MBOAT2: variants seen among roughly 807,000 people sequenced by gnomAD.
MBOAT2 encodes the protein membrane bound glycerophospholipid O-acyltransferase 2, also known as membrane-bound glycerophospholipid O-acyltransferase 2.
MBOAT2 carries 28 observed loss-of-function variants against 63.4 expected under a neutral mutation model. The ratio of observed to expected loss-of-function variants is 0.44; its 90% CI spans 0.33 to 0.61. MBOAT2 has a LOEUF of 0.61. Among genes scored for constraint, MBOAT2 ranks in the 20% least tolerant of loss-of-function variants. The probability of loss-of-function intolerance (pLI) is 0.03; values close to 1 mark genes in which losing one functional copy is unlikely to be tolerated. For synonymous variants in MBOAT2, 211 were observed against 215.6 expected (o/e 0.98, Z 0.19); for missense variants, 470 against 605.8 (o/e 0.78, Z 2.35).
chr2:9,002,525 A>C (rs1247400168), intron 1 of MBOAT2, among the ~76,000 whole-genome samples: 2 of 152,314 alleles, frequency 1.3e-5, no homozygotes, highest in East Asian at 3.9e-4. Flanking sequence ...CTTCCAGGTT[A>C]AGTACACTTG....
At chr2:8,880,104 A>G (rs1394285168) in intron 6 of MBOAT2, among the ~76,000 whole-genome samples, 1 of 152,004 alleles carries the variant, frequency 6.6e-6, no homozygotes, top group African/African-American at 2.4e-5. Context: ...GGAGTAATAT[A>G]ATCCAATGCA....
intron 3 of MBOAT2, among the ~76,000 whole-genome samples, chr2:8,930,068 A>C (rs866585441): frequency 3.3e-5 from 5 of 152,282 alleles, no homozygotes; most frequent in Middle Eastern, 3.4e-3. Flanking sequence ...TCCCAGTTCC[A>C]ATTCCTTGTA....
intron 3 of MBOAT2, among the ~76,000 whole-genome samples, chr2:8,912,339 G>GA (rs1158476798): frequency 4.0e-5 from 4 of 100,838 alleles, no homozygotes; most frequent in Non-Finnish European, 8.1e-5. Flanking sequence ...AAGAAAGAAA[G>GA]AAAGAAAGAA....
Position 8,966,669 on chromosome 2 carries a change from C to G in MBOAT2, c.76-8027G>C, listed in dbSNP as rs1329718978. On this transcript the variant is annotated intron_variant, in intron 1 of 12. Coordinates refer to ENST00000305997, the MANE Select transcript of MBOAT2 (RefSeq NM_138799.4). ...ACATCTTTATGAGATAAAACAAAGC[C>G]AAATACGACATCATTACACATCCAC... 2.0e-5 allele frequency among the ~76,000 whole-genome samples: 3 copies of G among 152,162 alleles called. No homozygotes were observed. The East Asian group carries it at 5.8e-4, about 29-fold the overall frequency.
chr2:8,874,665 T>C (rs1662576221), intron 7 of MBOAT2, among the ~76,000 whole-genome samples: 1 of 152,142 alleles, frequency 6.6e-6, no homozygotes, highest in Non-Finnish European at 1.5e-5. Context: ...GTCAAGTTTG[T>C]ATGCCCTAGG....
At chr2:8,863,528 C>T (rs376657150) in intron 10 of MBOAT2, among the ~76,000 whole-genome samples, 3 of 152,218 alleles carry the variant, frequency 2.0e-5, no homozygotes, top group East Asian at 1.9e-4. Flanking sequence ...GCCCTGTTCA[C>T]GAGACACGCT....
chr2:8,945,930 A>G (rs1171607293), intron 2 of MBOAT2, among the ~76,000 whole-genome samples: 1 of 152,198 alleles, frequency 6.6e-6, no homozygotes, highest in African/African-American at 2.4e-5. Flanking sequence ...TGTACTGAAC[A>G]CTAGAAATAC....
At chr2:8,868,693 G>A (rs188062153) in intron 8 of MBOAT2, 144 bp from the exon 9 acceptor site, 626 of 658,082 alleles carry the variant, frequency 9.5e-4, no homozygotes, top group African/African-American at 4.4e-3. Flanking sequence ...AAACAACATC[G>A]CATACAATGA....
At chr2:8,982,536 G>A (rs912970450) in intron 1 of MBOAT2, among the ~76,000 whole-genome samples, 2 of 152,168 alleles carry the variant, frequency 1.3e-5, no homozygotes, top group Non-Finnish European at 2.9e-5. Context: ...GTCAGCTCTA[G>A]ACAACTGTTT....
chr2:8,949,186 C>T (rs1014133859), intron 2 of MBOAT2, among the ~76,000 whole-genome samples: 3 of 151,948 alleles, frequency 2.0e-5, no homozygotes, highest in Admixed American at 1.3e-4. Flanking sequence ...GGATTATTTG[C>T]TTTTTGCCTG....
At chr2:8,915,707 T>C (rs1379207630) in intron 3 of MBOAT2, among the ~76,000 whole-genome samples, 1 of 152,202 alleles carries the variant, frequency 6.6e-6, no homozygotes, top group Non-Finnish European at 1.5e-5. Context: ...TGTGCACAAA[T>C]TATTTTCAGT....
rs759418710 is a variant in MBOAT2 at position 8,854,946 on chromosome 2, A to G, written c.*3733T>C. 6.6e-5 allele frequency: 10 copies of G among 152,246 alleles called. No homozygotes were observed. The highest frequency in any genetic ancestry group is 1.3e-4 in the Non-Finnish European group (9 of 68,048). 9.4% of individuals were successfully genotyped at this position (152,246 alleles called of 1,614,324 possible). A position where few individuals can be genotyped will look rare whatever the true frequency, so the allele number is the denominator to read the frequency against. ...ATCTGTATAAAATATTTCAGAGCAT[A>G]TATCTTCTCCAATTCCACACAGCAC... On this transcript the variant is annotated 3_prime_UTR_variant, in exon 13 of 13. Coordinates refer to ENST00000305997, the MANE Select transcript of MBOAT2 (RefSeq NM_138799.4).
chr2:8,899,579 G>GTTTCTGACCCAGAGAACCTTTGTCTTA (rs1664757714), intron 4 of MBOAT2, among the ~76,000 whole-genome samples: 1 of 152,222 alleles, frequency 6.6e-6, no homozygotes, highest in Non-Finnish European at 1.5e-5. Flanking sequence ...CTGGTTGGGG[G>GTTTCTGACCCAGAGAACCTTTGTCTTA]TTTCTGACCC....
Position 8,862,470 on chromosome 2 carries a change from G to A in MBOAT2, c.1185+120C>T, listed in dbSNP as rs1273995146. The A allele has an allele frequency of 7.2e-7, 1 of 1,382,824 alleles. No homozygotes were observed. The highest frequency in any genetic ancestry group is 1.4e-5 in the African/African-American group (1 of 69,326). 85.7% of individuals were successfully genotyped at this position (1,382,824 alleles called of 1,614,324 possible). On this transcript the variant is annotated intron_variant, in intron 11 of 12. Coordinates refer to ENST00000305997, the MANE Select transcript of MBOAT2 (RefSeq NM_138799.4). This position sits in a 1 kb window ranked among gnomAD's most constrained non-coding sequence, Gnocchi z 4.3. ...CGCAGTACACACCTCGCTTCTAGTG[G>A]AAAGGACAATACTGACCACGACCAA...
At chr2:8,868,872 G>T (rs187709548) in intron 8 of MBOAT2, among the ~76,000 whole-genome samples, 3 of 152,138 alleles carry the variant, frequency 2.0e-5, no homozygotes, top group Non-Finnish European at 4.4e-5. Context: ...AGCAGAGTAC[G>T]CTCAACCAGC....
intron 7 of MBOAT2, among the ~76,000 whole-genome samples, chr2:8,874,260 G>A (rs563819044): frequency 1.2e-3 from 182 of 152,246 alleles, no homozygotes; most frequent in African/African-American, 4.2e-3. Context: ...CCTGCGAGGT[G>A]GAACTCAGTG....
intron 3 of MBOAT2, among the ~76,000 whole-genome samples, chr2:8,922,308 G>A (rs1252286132): frequency 6.6e-6 from 1 of 152,018 alleles, no homozygotes; most frequent in Non-Finnish European, 1.5e-5. Context: ...TATAATAGTT[G>A]TTTTGTCTGG....
intron 3 of MBOAT2, among the ~76,000 whole-genome samples, chr2:8,937,846 A>C (rs906182274): frequency 1.3e-5 from 2 of 152,166 alleles, no homozygotes; most frequent in Non-Finnish European, 2.9e-5. Flanking sequence ...CTGGGGATGA[A>C]GCCGCGTGTG....
At chr2:8,912,413 A>AAGAAAGAAAGAAAGAC (rs1274023844) in intron 3 of MBOAT2, among the ~76,000 whole-genome samples, 39 of 136,846 alleles carry the variant, frequency 2.8e-4, no homozygotes, top group African/African-American at 8.1e-4. Context: ...GAAAGAAAGA[A>AAGAAAGAAAGAAAGAC]AGACAGGCCG....
Sources: gnomAD v4.1 joint callset for allele counts (sites outside exome capture counted in the v4.1 genomes callset) on GRCh38, gnomAD v4.1.1 for gene constraint, Gnocchi (gnomAD v3.1) non-coding constraint, MANE v1.5 for transcripts, NCBI Gene and HGNC (gene_info 2026-07-23, HGNC 2026-07-21) for gene names.